ZNF518B: variants seen among roughly 807,000 people sequenced by gnomAD.
The protein encoded by ZNF518B is zinc finger protein 518B.
A neutral mutation model predicts 56.3 loss-of-function variants in ZNF518B; 23 were observed. The ratio of observed to expected loss-of-function variants is 0.41; its 90% CI spans 0.29 to 0.58. The LOEUF is 0.58. Ranked by LOEUF, ZNF518B falls within the 20% of genes least tolerant of loss-of-function variation. The probability of loss-of-function intolerance (pLI) is 0.32; values close to 1 mark genes in which losing one functional copy is unlikely to be tolerated. For synonymous variants in ZNF518B, 529 were observed against 465.9 expected (o/e 1.14, Z -1.74); for missense variants, 1,460 against 1,272.1 (o/e 1.15, Z -2.25).
In ZNF518B at chr4:10,445,988, G is replaced by A. The variant is rs1373118130; in HGVS notation, c.341C>T (p.Thr114Ile). ...ATTGACAGAACTTGAGAAGTTTTCAGTTTTATTTCCAACATGAGTCGCACT... is the reference window on the plus strand; with the variant it reads ...ATTGACAGAACTTGAGAAGTTTTCAATTTTATTTCCAACATGAGTCGCACT... Reference protein sequence around the residue: ...NSSATHVGNKTENFSSSVNSK... With the variant: ...NSSATHVGNKIENFSSSVNSK... The change falls in exon 3 of 3, where the codon ACT (threonine) becomes ATT (isoleucine). Residue 114 changes from threonine to isoleucine, a missense_variant. Physicochemically the swap from Thr to Ile is moderately conservative, Grantham distance 89. Coordinates refer to ENST00000326756, the MANE Select transcript of ZNF518B (RefSeq NM_053042.3). 6.2e-7 allele frequency: 1 copy of A among 1,614,164 alleles called. No homozygotes were observed. Among genetic ancestry groups the A allele is most frequent in the Non-Finnish European group, 8.5e-7 (1 of 1,180,038 alleles).
intron 1 of ZNF518B, 107 bp downstream of exon 1, chr4:10,457,209 GC>G (rs1715578968): frequency 1.3e-5 from 2 of 149,916 alleles, no homozygotes; most frequent in African/African-American, 4.9e-5. Context: ...CCCCGGCCTG[GC>G]CCCGTCAGGC....
Position 10,442,035 on chromosome 4 carries a change from CAG to C in ZNF518B, c.*1067_*1068del, listed in dbSNP as rs1204292199. The C allele has an allele frequency of 2.0e-5, 3 of 152,182 alleles. No homozygotes were observed. The highest frequency in any genetic ancestry group is 7.2e-5 in the African/African-American group (3 of 41,436). The allele number at this position is 152,182 out of a possible 1,614,324, so 9.4% of individuals were successfully genotyped here. A position where few individuals can be genotyped will look rare whatever the true frequency, so the allele number is the denominator to read the frequency against. Reference sequence around the variant, plus strand: ...TCTCAAAGGCACAGAAAGGAAGAAACAGTGGGCAAGGAAGTTGTGCTAGTCCA... The same window carrying C: ...TCTCAAAGGCACAGAAAGGAAGAAACTGGGCAAGGAAGTTGTGCTAGTCCA... On this transcript the variant is annotated 3_prime_UTR_variant, in exon 3 of 3. Transcript: ENST00000326756.
upstream of ZNF518B, among the ~76,000 whole-genome samples, chr4:10,459,887 A>G (rs1332162742): frequency 6.6e-6 from 1 of 152,120 alleles, no homozygotes; most frequent in East Asian, 1.9e-4. Flanking sequence ...CAGCCACCCT[A>G]AGAAATCAAT....
At position 10,450,206 on chromosome 4, in the gene ZNF518B, C is replaced by A. The variant is rs144094062; in HGVS notation, c.-211-3667G>T. 7.5e-3 allele frequency among the ~76,000 whole-genome samples: 1,140 copies of A among 152,216 alleles called. 16 individuals are homozygous for A. Among genetic ancestry groups the A allele is most frequent in the African/African-American group, 0.026 (1,070 of 41,510 alleles). ...GCAAGTGCCAATATGAAGCATGCAG[C>A]CATGATTATTAGCAAATGCAGTGTG... is the stretch of plus-strand genomic sequence containing the variant. On this transcript the variant is annotated intron_variant, in intron 2 of 2. Transcript: ENST00000326756.
chr4:10,459,194 A>G (rs1715666442), upstream of ZNF518B, among the ~76,000 whole-genome samples: 1 of 152,242 alleles, frequency 6.6e-6, no homozygotes, highest in African/African-American at 2.4e-5. Flanking sequence ...CCTGGCAGAT[A>G]GAAGTGACTG....
At chr4:10,459,212 A>C (rs139723907), upstream of ZNF518B, among the ~76,000 whole-genome samples, 130 of 152,212 alleles carry the variant, frequency 8.5e-4, 3 homozygotes, top group East Asian at 0.016. Context: ...CTGTTAACTT[A>C]CTCTTCAGTA....
intron 1 of ZNF518B, among the ~76,000 whole-genome samples, chr4:10,456,661 C>A (rs1178406607): frequency 3.9e-5 from 6 of 152,170 alleles, no homozygotes; most frequent in Admixed American, 3.9e-4. Flanking sequence ...CCTGGGCGCT[C>A]GGAGGACGAG....
Position 10,444,798 on chromosome 4 carries a change from C to CTTT in ZNF518B, c.1530_1531insAAA (p.Ala510_Val511insLys). 6.2e-7 allele frequency: 1 copy of CTTT among 1,613,802 alleles called. No homozygotes were observed. Among genetic ancestry groups the CTTT allele is most frequent in the South Asian group, 1.1e-5 (1 of 91,068 alleles). On this transcript the variant is annotated inframe_insertion, in exon 3 of 3. Transcript: ENST00000326756. ...TTTCTTCCACTTTCAGCAAAACAAA[C>CTTT]AGCAGCTTTATATGGAAAAGGGTTT...
At chr4:10,456,021 T>A (rs762035950) in intron 1 of ZNF518B, among the ~76,000 whole-genome samples, 2 of 152,084 alleles carry the variant, frequency 1.3e-5, no homozygotes, top group Admixed American at 6.5e-5. Flanking sequence ...TGTATTCCCA[T>A]CCTCAGTCTC....
chr4:10,456,415 ACGGGCAGG>A (rs1279818017), intron 1 of ZNF518B, among the ~76,000 whole-genome samples: 3 of 152,132 alleles, frequency 2.0e-5, no homozygotes, highest in Non-Finnish European at 4.4e-5. Context: ...CCAAGATAAG[ACGGGCAGG>A]CCGGTATGGG....
At chr4:10,447,647 C>CTTTTT (rs10675116) in intron 2 of ZNF518B, among the ~76,000 whole-genome samples, 2 of 121,376 alleles carry the variant, frequency 1.6e-5, no homozygotes, top group East Asian at 2.4e-4. Flanking sequence ...ACAGAGTGAC[C>CTTTTT]TTTTTTTTTT....
chr4:10,457,839 G>C (rs1715617525), upstream of ZNF518B, among the ~76,000 whole-genome samples: 1 of 152,122 alleles, frequency 6.6e-6, no homozygotes, highest in African/African-American at 2.4e-5. Flanking sequence ...CAGTGAAGGA[G>C]ATGGCCTTGA....
chr4:10,445,400 T>A lies in ZNF518B; in HGVS notation c.929A>T (p.Asn310Ile). ...PNEVNLFENKNVEVEVLSPAK... is the reference protein window; with the variant it reads ...PNEVNLFENKIVEVEVLSPAK... ...AGGGGATAACACTTCTACTTCAACA[T>A]TTTTGTTCTCAAATAGGTTGACTTC... Residue 310 changes from asparagine to isoleucine, a missense_variant, in exon 3 of 3, where the codon AAT becomes ATT. Coordinates refer to ENST00000326756, the MANE Select transcript of ZNF518B (RefSeq NM_053042.3). The A allele has an allele frequency of 6.2e-7, 1 of 1,614,244 alleles. No homozygotes were observed. Among genetic ancestry groups the A allele is most frequent in the South Asian group, 1.1e-5 (1 of 91,076 alleles).
At position 10,442,981 on chromosome 4, in the gene ZNF518B, A is replaced by C. The variant is rs1714749683; in HGVS notation, c.*123T>G. ...GACTCCTAGCTCCCAATATTCCTAC[A>C]GTTCTGAAGAATTAGCAGTCCTCTC... On this transcript the variant is annotated 3_prime_UTR_variant, in exon 3 of 3. Coordinates refer to ENST00000326756, the MANE Select transcript of ZNF518B (RefSeq NM_053042.3). 1.2e-6 allele frequency: 1 copy of C among 847,966 alleles called. No individual in the cohort carries two copies. Among genetic ancestry groups the C allele is most frequent in the Admixed American group, 2.9e-5 (1 of 34,318 alleles). 52.5% of individuals were successfully genotyped at this position (847,966 alleles called of 1,614,324 possible).
In ZNF518B at chr4:10,443,011, CTACAGTCTG is replaced by C; in HGVS notation, c.*84_*92del. ...TGAAGAATTAGCAGTCCTCTCATTT[CTACAGTCTG>C]TATTTCTTCTACTGAATCTTGGTGG... On this transcript the variant is annotated 3_prime_UTR_variant, in exon 3 of 3. Coordinates refer to ENST00000326756, the MANE Select transcript of ZNF518B (RefSeq NM_053042.3). 1 of 1,143,710 alleles carries C rather than the reference CTACAGTCTG, an allele frequency of 8.7e-7. No homozygotes were observed. Among genetic ancestry groups the C allele is most frequent in the Admixed American group, 2.6e-5 (1 of 39,046 alleles). The allele number at this position is 1,143,710 out of a possible 1,614,324, so 70.8% of individuals were successfully genotyped here.
upstream of ZNF518B, chr4:10,457,435 C>G (rs1022312236): frequency 7.2e-5 from 11 of 152,140 alleles, no homozygotes; most frequent in Non-Finnish European, 1.3e-4. Flanking sequence ...CCGCGCCAGC[C>G]CCGCGCGTGC....
At position 10,443,758 on chromosome 4, in the gene ZNF518B, G is replaced by T; in HGVS notation, c.2571C>A (p.Ile857=). 6.2e-7 allele frequency: 1 copy of T among 1,614,160 alleles called. No homozygotes were observed. The highest frequency in any genetic ancestry group is 8.5e-7 in the Non-Finnish European group (1 of 1,180,026). ...CATACAAGAGGCCAGTTTTTCTATG[G>T]ATGGTGCTACAGACAGCACTCTCTT... is the stretch of plus-strand genomic sequence containing the variant. ...LRKESAVCST[I]HRKTGLLYGQ... Residue 857 remains isoleucine (I), a synonymous_variant, in exon 3 of 3, where the codon ATC becomes ATA. Transcript: ENST00000326756.
Position 10,445,179 on chromosome 4 carries a change from G to A in ZNF518B, c.1150C>T (p.Arg384Cys), listed in dbSNP as rs185473572. 17 of 1,614,104 alleles carry A rather than the reference G, an allele frequency of 1.1e-5. No individual in the cohort carries two copies. Among genetic ancestry groups the A allele is most frequent in the Middle Eastern group, 1.6e-4 (1 of 6,062 alleles). ...TTTGAACCCTTCTCTTTCACCATAC[G>A]TTCAGAATTACCTCCATTATCCCTC... Reference protein sequence around the residue: ...AGRDNGGNSERMVKEKGSNEQ... With the variant: ...AGRDNGGNSECMVKEKGSNEQ... Residue 384 changes from arginine (R) to cysteine (C), a missense_variant, in exon 3 of 3, where the codon CGT (arginine) becomes TGT (cysteine). Physicochemically the swap from Arg to Cys is radical, Grantham distance 180. Transcript: ENST00000326756.
Position 10,444,291 on chromosome 4 carries a change from A to G in ZNF518B, c.2038T>C (p.Ser680Pro). ...AQLIESCGKP[S>P]SLASNSAHRR... ...TGTGCACTATTTGAAGCCAAAGATG[A>G]CGGCTTCCCACAGGACTCAATTAAC... is the stretch of plus-strand genomic sequence containing the variant. Residue 680 changes from serine to proline, a missense_variant, in exon 3 of 3, where the codon TCA becomes CCA. Ser to Pro is a moderately conservative substitution (Grantham distance 74). Coordinates refer to ENST00000326756, the MANE Select transcript of ZNF518B (RefSeq NM_053042.3). 6.2e-7 allele frequency: 1 copy of G among 1,614,184 alleles called. No individual in the cohort carries two copies. The highest frequency in any genetic ancestry group is 2.2e-5 in the East Asian group (1 of 44,886).
Sources: gnomAD v4.1 joint callset for allele counts (sites outside exome capture counted in the v4.1 genomes callset) on GRCh38, gnomAD v4.1.1 for gene constraint, MANE v1.5 for transcripts, NCBI Gene and HGNC (gene_info 2026-07-23, HGNC 2026-07-21) for gene names.